Variants in CDKAL1 observed in about 807,000 individuals in gnomAD.
The protein encoded by CDKAL1 is threonylcarbamoyladenosine tRNA methylthiotransferase.
A neutral mutation model predicts 68.2 loss-of-function variants in CDKAL1; 32 were observed. The observed-to-expected ratio is 0.47, with a 90% CI of 0.35 to 0.63. The LOEUF is 0.63. Among genes scored for constraint, CDKAL1 ranks in the 30% least tolerant of loss-of-function variants. The pLI is 0.00. For synonymous variants in CDKAL1, 234 were observed against 244.3 expected (o/e 0.96, Z 0.39); for missense variants, 606 against 696.7 (o/e 0.87, Z 1.47).
At chr6:20,633,568 T>C (rs938519905) in intron 4 of CDKAL1, among the ~76,000 whole-genome samples, 11 of 152,222 alleles carry the variant, frequency 7.2e-5, no homozygotes, top group Non-Finnish European at 1.0e-4. Flanking sequence ...AATTGCTAGA[T>C]TATATGTTAA....
chr6:20,851,736 G>T (rs914396091), intron 9 of CDKAL1, among the ~76,000 whole-genome samples: 1 of 151,308 alleles, frequency 6.6e-6, no homozygotes, highest in Admixed American at 6.6e-5. Flanking sequence ...AATGGATTCT[G>T]TATTTCAAGA....
chr6:20,631,132 G>A (rs1460962117), intron 4 of CDKAL1, among the ~76,000 whole-genome samples: 1 of 152,142 alleles, frequency 6.6e-6, no homozygotes, highest in Non-Finnish European at 1.5e-5. Flanking sequence ...TACTCAACCA[G>A]GTAAACACTC....
At chr6:21,155,170 C>T (rs889246297) in intron 13 of CDKAL1, among the ~76,000 whole-genome samples, 48 of 152,112 alleles carry the variant, frequency 3.2e-4, no homozygotes, top group African/African-American at 1.1e-3. Context: ...TAATTCGATT[C>T]CTCAAAATCC....
chr6:21,139,763 C>T (rs540870090), intron 13 of CDKAL1, among the ~76,000 whole-genome samples: 3 of 152,270 alleles, frequency 2.0e-5, no homozygotes, highest in African/African-American at 7.2e-5. Context: ...CGGCCTCAGC[C>T]CCGCAAAGTG....
intron 9 of CDKAL1, among the ~76,000 whole-genome samples, chr6:20,914,162 C>T (rs1248096082): frequency 2.6e-5 from 4 of 151,668 alleles, no homozygotes; most frequent in East Asian, 3.9e-4. Flanking sequence ...TGGTGGCAGG[C>T]GCCTGTAGTC....
chr6:20,582,616 G>A (rs897075445), intron 4 of CDKAL1, among the ~76,000 whole-genome samples: 2 of 151,848 alleles, frequency 1.3e-5, no homozygotes, highest in Non-Finnish European at 2.9e-5. Context: ...ATCTATTTAC[G>A]TTGTGGTCAC....
intron 4 of CDKAL1, among the ~76,000 whole-genome samples, chr6:20,614,864 G>A (rs1766813842): frequency 6.6e-6 from 1 of 151,400 alleles, no homozygotes; most frequent in Non-Finnish European, 1.5e-5. Context: ...GTGCCATGCT[G>A]ATGCGCTGCA....
intron 5 of CDKAL1, among the ~76,000 whole-genome samples, chr6:20,729,359 CT>C (rs200978110): frequency 1.3e-5 from 2 of 152,026 alleles, no homozygotes; most frequent in African/African-American, 2.4e-5. Flanking sequence ...AGAGTTTCTT[CT>C]TTTTTTTCTT....
intron 4 of CDKAL1, among the ~76,000 whole-genome samples, chr6:20,558,359 G>T (rs1347853061): frequency 6.6e-6 from 1 of 152,112 alleles, no homozygotes; most frequent in African/African-American, 2.4e-5. Context: ...TATCTGCCCA[G>T]ACAACAAAAA....
At chr6:20,618,608 C>G (rs779052619) in intron 4 of CDKAL1, among the ~76,000 whole-genome samples, 1 of 152,078 alleles carries the variant, frequency 6.6e-6, no homozygotes, top group African/African-American at 2.4e-5. Context: ...ATAAGCGTGT[C>G]CAGGCATATT....
At chr6:21,226,660 A>C (rs1371163831) in intron 15 of CDKAL1, among the ~76,000 whole-genome samples, 4 of 152,192 alleles carry the variant, frequency 2.6e-5, no homozygotes, top group African/African-American at 9.6e-5. Context: ...AGTTCTTAAA[A>C]ATTGTCTGAG....
chr6:21,085,266 G>T (rs1388493174), intron 12 of CDKAL1, among the ~76,000 whole-genome samples: 1 of 152,136 alleles, frequency 6.6e-6, no homozygotes, highest in Non-Finnish European at 1.5e-5. Context: ...ATTTCTTTTA[G>T]AAATCATAGT....
chr6:20,743,097 G>C (rs1442866172), intron 6 of CDKAL1, among the ~76,000 whole-genome samples: 2 of 152,122 alleles, frequency 1.3e-5, no homozygotes, highest in Admixed American at 6.5e-5. Context: ...AGAGAAAACA[G>C]TTCTGAAGTC....
intron 8 of CDKAL1, among the ~76,000 whole-genome samples, chr6:20,824,106 A>G (rs1777401724): frequency 1.3e-5 from 2 of 152,114 alleles, no homozygotes; most frequent in Non-Finnish European, 2.9e-5. Context: ...GGATAGAACA[A>G]CCAAAGGTGT....
At chr6:20,795,037 T>C (rs1321492703) in intron 8 of CDKAL1, among the ~76,000 whole-genome samples, 1 of 152,118 alleles carries the variant, frequency 6.6e-6, no homozygotes. Flanking sequence ...TTGAGACTTC[T>C]GTTTTGGTGT....
chr6:21,110,858 C>T (rs1774084928), intron 13 of CDKAL1, among the ~76,000 whole-genome samples: 1 of 152,102 alleles, frequency 6.6e-6, no homozygotes, highest in African/African-American at 2.4e-5. Flanking sequence ...GTCCTAGCTA[C>T]CGGGGACAGG....
intron 4 of CDKAL1, among the ~76,000 whole-genome samples, chr6:20,643,177 C>T (rs1768270540): frequency 6.6e-6 from 1 of 152,148 alleles, no homozygotes; most frequent in Non-Finnish European, 1.5e-5. Context: ...TGCCTTCTTC[C>T]TACCTTTCCC....
At chr6:20,786,703 T>A (rs962608063) in intron 8 of CDKAL1, among the ~76,000 whole-genome samples, 2 of 151,958 alleles carry the variant, frequency 1.3e-5, no homozygotes, top group Admixed American at 1.3e-4. Flanking sequence ...TTCACCGTAT[T>A]AACCAGGATG....
intron 4 of CDKAL1, among the ~76,000 whole-genome samples, chr6:20,625,175 A>T (rs2127736644): frequency 6.6e-6 from 1 of 152,256 alleles, no homozygotes; most frequent in Non-Finnish European, 1.5e-5. Flanking sequence ...TTCTAAGAGT[A>T]TTCCATAGAT....
Sources: gnomAD v4.1 joint callset for allele counts (sites outside exome capture counted in the v4.1 genomes callset) on GRCh38, gnomAD v4.1.1 for gene constraint, MANE v1.5 for transcripts, NCBI Gene and HGNC (gene_info 2026-07-23, HGNC 2026-07-21) for gene names.